ROR1: variants seen among roughly 807,000 people sequenced by gnomAD.
ROR1 encodes inactive tyrosine-protein kinase transmembrane receptor ROR1.
ROR1 carries 19 observed loss-of-function variants against 78.8 expected under a neutral mutation model. That is an observed-to-expected ratio of 0.24 (90% CI 0.17 to 0.35). The LOEUF is 0.35. ROR1 is among the 10% of genes least tolerant of loss of function. The pLI is 1.00. For missense variants in ROR1, 917 were observed against 1,177.8 expected, an observed-to-expected ratio of 0.78 and a Z score of 3.24; for synonymous variants, 386 against 433.6, an observed-to-expected ratio of 0.89 and a Z score of 1.36.
At chr1:63,985,305 A>T (rs1646241790) in intron 1 of ROR1, among the ~76,000 whole-genome samples, 2 of 152,150 alleles carry the variant, frequency 1.3e-5, no homozygotes, top group African/African-American at 4.8e-5. Context: ...AATGCAACAA[A>T]CTGGGCTGAT....
intron 4 of ROR1, among the ~76,000 whole-genome samples, chr1:64,125,221 T>C (rs545682213): frequency 1.1e-4 from 17 of 152,314 alleles, no homozygotes; most frequent in African/African-American, 3.8e-4. Flanking sequence ...ATAAAGTAGA[T>C]AGATGCACTG....
chr1:63,896,253 A>T (rs1357926350), intron 1 of ROR1, among the ~76,000 whole-genome samples: 1 of 152,192 alleles, frequency 6.6e-6, no homozygotes, highest in Non-Finnish European at 1.5e-5. Flanking sequence ...TTGTTTTGAT[A>T]GCTCCTTTGA....
intron 1 of ROR1, among the ~76,000 whole-genome samples, chr1:63,980,777 A>T (rs2100508776): frequency 6.6e-6 from 1 of 152,340 alleles, no homozygotes; most frequent in South Asian, 2.1e-4. Context: ...GGAAGGAGGT[A>T]GGGATGGCCC....
chr1:63,791,856 A>G (rs767769170), intron 1 of ROR1, among the ~76,000 whole-genome samples: 74 of 152,202 alleles, frequency 4.9e-4, no homozygotes, highest in Non-Finnish European at 9.4e-4. Context: ...TTAGATGGCA[A>G]GTACCATTTT....
intron 1 of ROR1, among the ~76,000 whole-genome samples, chr1:63,844,124 A>ATGAT (rs374144623): frequency 1.6e-3 from 251 of 152,258 alleles, no homozygotes; most frequent in Admixed American, 4.3e-3. Context: ...TAACATTAGG[A>ATGAT]TGATAAAACC....
At chr1:63,822,010 GTGA>G (rs988486852) in intron 1 of ROR1, among the ~76,000 whole-genome samples, 14 of 152,330 alleles carry the variant, frequency 9.2e-5, no homozygotes, top group African/African-American at 3.4e-4. Flanking sequence ...ACATTTTCTT[GTGA>G]TGATAAAAGC....
At chr1:63,969,075 C>A (rs1254433780) in intron 1 of ROR1, among the ~76,000 whole-genome samples, 1 of 152,142 alleles carries the variant, frequency 6.6e-6, no homozygotes, top group Non-Finnish European at 1.5e-5. Flanking sequence ...TATCTGAAAT[C>A]ATCCAGACTA....
At chr1:64,069,686 G>T (rs1178958193) in intron 4 of ROR1, among the ~76,000 whole-genome samples, 1 of 152,204 alleles carries the variant, frequency 6.6e-6, no homozygotes, top group Non-Finnish European at 1.5e-5. Context: ...CTAGCAGGCA[G>T]ATCCCTGCAG....
At chr1:64,157,465 T>G (rs977896366) in intron 7 of ROR1, among the ~76,000 whole-genome samples, 1 of 152,152 alleles carries the variant, frequency 6.6e-6, no homozygotes, top group African/African-American at 2.4e-5. Context: ...TTTATTCTAC[T>G]CTGTAACCAG....
chr1:64,089,680 G>A (rs1327144932), intron 4 of ROR1, among the ~76,000 whole-genome samples: 1 of 152,166 alleles, frequency 6.6e-6, no homozygotes, highest in Non-Finnish European at 1.5e-5. Context: ...TTTCATAAGT[G>A]AGGAAAGAAT....
At chr1:63,983,929 G>C (rs1282949227) in intron 1 of ROR1, among the ~76,000 whole-genome samples, 2 of 152,158 alleles carry the variant, frequency 1.3e-5, no homozygotes, top group African/African-American at 2.4e-5. Flanking sequence ...CCCACACCTG[G>C]TGTGGCTTAC....
At chr1:63,913,784 A>AAT (rs1645588990) in intron 1 of ROR1, among the ~76,000 whole-genome samples, 1 of 152,198 alleles carries the variant, frequency 6.6e-6, no homozygotes. Flanking sequence ...GGGGAAAGAC[A>AAT]ATAATAAACT....
intron 2 of ROR1, among the ~76,000 whole-genome samples, chr1:64,040,793 C>A (rs2100581329): frequency 6.6e-6 from 1 of 152,302 alleles, no homozygotes; most frequent in Admixed American, 6.5e-5. Context: ...AAGGCCCCAC[C>A]TCTTCACCCT....
chr1:64,075,526 A>G (rs774456079), intron 4 of ROR1, among the ~76,000 whole-genome samples: 9 of 152,228 alleles, frequency 5.9e-5, no homozygotes, highest in Non-Finnish European at 1.0e-4. Context: ...ATAATACACC[A>G]TCAATGTTAG....
chr1:63,803,738 G>A (rs953343336), intron 1 of ROR1, among the ~76,000 whole-genome samples: 2 of 152,224 alleles, frequency 1.3e-5, no homozygotes, highest in Middle Eastern at 3.2e-3. Context: ...CCACATAAAA[G>A]CCTTTACAGG....
At chr1:64,131,891 G>T (rs921748919) in intron 4 of ROR1, among the ~76,000 whole-genome samples, 1 of 152,096 alleles carries the variant, frequency 6.6e-6, no homozygotes, top group South Asian at 2.1e-4. Context: ...AAAGTGCGGG[G>T]ATTATAGGCA....
chr1:64,141,240 T>A (rs1362325982), intron 6 of ROR1, among the ~76,000 whole-genome samples: 1 of 152,126 alleles, frequency 6.6e-6, no homozygotes, highest in African/African-American at 2.4e-5. Flanking sequence ...GACAGGGTAA[T>A]TGATAAAAAA....
intron 1 of ROR1, among the ~76,000 whole-genome samples, chr1:63,802,820 C>G (rs626235): frequency 0.3 from 46,200 of 152,078 alleles, 8,868 homozygotes; most frequent in African/African-American, 0.55. Context: ...TCCTCTGGAC[C>G]AGCACTGTCC....
intron 1 of ROR1, among the ~76,000 whole-genome samples, chr1:63,831,301 C>G (rs1644986958): frequency 6.6e-6 from 1 of 152,214 alleles, no homozygotes; most frequent in Non-Finnish European, 1.5e-5. Flanking sequence ...CCTCTGCCTG[C>G]CCTAGTAGAG....
Sources: allele counts gnomAD v4.1 joint callset (sites outside exome capture counted in the v4.1 genomes callset), GRCh38; gene constraint gnomAD v4.1.1; transcripts MANE v1.5; gene names NCBI Gene and HGNC (gene_info 2026-07-23, HGNC 2026-07-21).